ZFR2: variants seen among roughly 807,000 people sequenced by gnomAD.
ZFR2 encodes the protein zinc finger RNA binding protein 2.
Under a neutral mutation model 105.7 loss-of-function variants are expected in ZFR2, and 104 were observed. The ratio of observed to expected loss-of-function variants is 0.98; its 90% CI spans 0.84 to 1.16. The LOEUF (loss-of-function observed/expected upper bound fraction) is 1.16. Ranked by LOEUF, ZFR2 falls within the 50% of genes most tolerant of loss-of-function variation. The pLI is 0.00. For synonymous variants in ZFR2, 634 were observed against 597.7 expected, an observed-to-expected ratio of 1.06 and a Z score of -0.89; for missense variants, 1,425 against 1,355.5, an observed-to-expected ratio of 1.05 and a Z score of -0.80.
rs1414805520 is a variant in ZFR2 at position 3,813,548 on chromosome 19, G to GGGAGGT, written c.2242+266_2242+271dup. Among the ~76,000 whole-genome samples the GGGAGGT allele has an allele frequency of 6.6e-6, 1 of 152,032 alleles. No homozygotes were observed. Among genetic ancestry groups the GGGAGGT allele is most frequent in the Admixed American group, 6.5e-5 (1 of 15,286 alleles). Reference sequence around the variant, plus strand: ...AGGTGCCAGCCCTGGGTAAGGGCAAGGGAGGTGACACGGTGTCGCTTGCCC... The same window carrying GGGAGGT: ...AGGTGCCAGCCCTGGGTAAGGGCAAGGGAGGTGGAGGTGACACGGTGTCGCTTGCCC... On this transcript the variant is annotated intron_variant, in intron 14 of 18. Coordinates refer to ENST00000262961, the MANE Select transcript of ZFR2 (RefSeq NM_015174.2). The surrounding 1 kb of genome is among the most constrained non-coding windows in gnomAD (Gnocchi z 4.4).
chr19:3,829,520 GT>G (rs1488052376), intron 5 of ZFR2, among the ~76,000 whole-genome samples: 4 of 151,030 alleles, frequency 2.6e-5, no homozygotes, highest in Non-Finnish European at 4.4e-5. Flanking sequence ...GGGGGGTTTT[GT>G]TTTTTTGTGG....
intron 1 of ZFR2, 45 bp downstream of exon 1, chr19:3,868,920 T>A: frequency 8.0e-7 from 1 of 1,252,276 alleles, no homozygotes; most frequent in Non-Finnish European, 1.0e-6. Flanking sequence ...CCGGCCAGGC[T>A]GCAGGGGCCG....
intron 1 of ZFR2, among the ~76,000 whole-genome samples, chr19:3,866,644 T>G (rs140617275): frequency 5.7e-4 from 87 of 152,296 alleles, no homozygotes; most frequent in African/African-American, 2.0e-3. Flanking sequence ...TCAAGTGATT[T>G]TCCACGTCTG....
At chr19:3,847,113 C>T (rs996159792) in intron 1 of ZFR2, among the ~76,000 whole-genome samples, 2 of 152,188 alleles carry the variant, frequency 1.3e-5, no homozygotes, top group African/African-American at 4.8e-5. Flanking sequence ...CTTGAGTGTC[C>T]TCACAACATG....
chr19:3,825,457 T>A, intron 6 of ZFR2, 50 bp from the exon 7 acceptor site: 1 of 1,518,438 alleles, frequency 6.6e-7, no homozygotes, highest in South Asian at 1.3e-5. Flanking sequence ...CCCAGCCTGA[T>A]GGCCTTTTTC....
intron 1 of ZFR2, among the ~76,000 whole-genome samples, chr19:3,854,655 T>C (rs1175807446): frequency 6.6e-6 from 1 of 152,196 alleles, no homozygotes; most frequent in Non-Finnish European, 1.5e-5. Flanking sequence ...GTAGAGCATG[T>C]GCCCGTAAAC....
At chr19:3,864,736 TTCTC>T (rs1183260091) in intron 1 of ZFR2, among the ~76,000 whole-genome samples, 1 of 152,080 alleles carries the variant, frequency 6.6e-6, no homozygotes, top group East Asian at 1.9e-4. Context: ...CTCTCTTCTC[TTCTC>T]TTTTCTTTTT....
chr19:3,807,597 G>C (rs1306114227), intron 17 of ZFR2, among the ~76,000 whole-genome samples: 1 of 115,462 alleles, frequency 8.7e-6, no homozygotes, highest in Non-Finnish European at 1.8e-5. Flanking sequence ...GTGTGTCCGT[G>C]TGTGCACGTG....
chr19:3,840,483 C>T (rs768766035), intron 1 of ZFR2, among the ~76,000 whole-genome samples: 15 of 152,014 alleles, frequency 9.9e-5, no homozygotes, highest in East Asian at 9.7e-4. Flanking sequence ...GTGATCCACC[C>T]GTCTCAGCCT....
chr19:3,867,469 C>G (rs935187802), intron 1 of ZFR2, among the ~76,000 whole-genome samples: 1 of 151,934 alleles, frequency 6.6e-6, no homozygotes, highest in Non-Finnish European at 1.5e-5. Context: ...ACAAACTTAC[C>G]CCGTGTGTGT....
intron 1 of ZFR2, among the ~76,000 whole-genome samples, chr19:3,865,855 G>A (rs1418058399): frequency 6.6e-6 from 1 of 151,394 alleles, no homozygotes; most frequent in Non-Finnish European, 1.5e-5. Context: ...TTTTTTGTTT[G>A]TTTGAGACAG....
At chr19:3,831,159 G>T in intron 5 of ZFR2, 144 bp downstream of exon 5, 1 of 1,180,282 alleles carries the variant, frequency 8.5e-7, no homozygotes, top group Non-Finnish European at 1.1e-6. Flanking sequence ...GCACACACAG[G>T]CCATGCATAC....
At chr19:3,832,984 C>G (rs983095164) in intron 3 of ZFR2, among the ~76,000 whole-genome samples, 1 of 151,280 alleles carries the variant, frequency 6.6e-6, no homozygotes, top group Admixed American at 6.6e-5. Flanking sequence ...CAGTGGCTCA[C>G]GCCTGTAATC....
intron 1 of ZFR2, among the ~76,000 whole-genome samples, chr19:3,848,066 C>T (rs1274054806): frequency 6.6e-6 from 1 of 152,218 alleles, no homozygotes; most frequent in African/African-American, 2.4e-5. Flanking sequence ...AATCCAAGTA[C>T]GGTTGCAGCT....
At chr19:3,809,515 T>C (rs536704371) in intron 16 of ZFR2, among the ~76,000 whole-genome samples, 1 of 152,270 alleles carries the variant, frequency 6.6e-6, no homozygotes, top group African/African-American at 2.4e-5. Flanking sequence ...TGTGGGTGCC[T>C]CTACAGTCAC....
chr19:3,852,562 G>T (rs960473717), intron 1 of ZFR2: 5 of 718,654 alleles, frequency 7.0e-6, no homozygotes, highest in Non-Finnish European at 1.3e-5. Context: ...GTCCAAGGCA[G>T]GGCACAAGGA....
At chr19:3,867,452 T>C (rs2038446282) in intron 1 of ZFR2, among the ~76,000 whole-genome samples, 1 of 151,986 alleles carries the variant, frequency 6.6e-6, no homozygotes, top group Admixed American at 6.5e-5. Context: ...GTTTGTACAC[T>C]TGGGGCACAA....
At chr19:3,818,026 A>C (rs2037844704) in intron 12 of ZFR2, among the ~76,000 whole-genome samples, 2 of 152,226 alleles carry the variant, frequency 1.3e-5, no homozygotes, top group South Asian at 2.1e-4. Context: ...GAGTTTGCTT[A>C]ATTGGGACAG....
rs115701992 is a variant in ZFR2 at position 3,805,890 on chromosome 19, C to T, written c.*59G>A. ...CGGGGATGAAGCAGCCATTGGTCGG[C>T]GCGCACACGTCCAGGAGTGCAGGGA... is the stretch of plus-strand genomic sequence containing the variant. On this transcript the variant is annotated 3_prime_UTR_variant, in exon 19 of 19. Coordinates refer to ENST00000262961, the MANE Select transcript of ZFR2 (RefSeq NM_015174.2). 4,760 of 1,439,938 alleles carry T rather than the reference C, an allele frequency of 3.3e-3. 122 individuals are homozygous for T. In the African/African-American group the frequency reaches 0.054, roughly 16 times the overall value. 89.2% of individuals were successfully genotyped at this position (1,439,938 alleles called of 1,614,324 possible). A position where few individuals can be genotyped will look rare whatever the true frequency, so the allele number is the denominator to read the frequency against.
Sources: gnomAD v4.1 joint callset for allele counts (sites outside exome capture counted in the v4.1 genomes callset) on GRCh38, gnomAD v4.1.1 for gene constraint, Gnocchi (gnomAD v3.1) non-coding constraint, MANE v1.5 for transcripts, NCBI Gene and HGNC (gene_info 2026-07-23, HGNC 2026-07-21) for gene names.